The following MAP2K1 variants were observed in gnomAD, a reference collection of about 807,000 sequenced individuals.
MAP2K1 encodes the protein dual specificity mitogen-activated protein kinase kinase 1.
MAP2K1 carries 16 observed loss-of-function variants against 46.3 expected under a neutral mutation model. That is an observed-to-expected ratio of 0.35 (90% CI 0.23 to 0.52). The LOEUF (loss-of-function observed/expected upper bound fraction) is 0.52. Ranked by LOEUF, MAP2K1 falls within the 20% of genes least tolerant of loss-of-function variation. MAP2K1 has a pLI of 0.94. For synonymous variants in MAP2K1, 183 were observed against 185.6 expected (o/e 0.99, Z 0.11); for missense variants, 263 against 497.1 (o/e 0.53, Z 4.48).
intron 5 of MAP2K1, among the ~76,000 whole-genome samples, chr15:66,476,766 G>T (rs888410567): frequency 4.6e-5 from 7 of 152,218 alleles, no homozygotes; most frequent in Non-Finnish European, 8.8e-5. Context: ...GTGTAGGCGG[G>T]GGGAGGGAGA....
chr15:66,429,479 A>G (rs576639457), intron 1 of MAP2K1, among the ~76,000 whole-genome samples: 57 of 152,270 alleles, frequency 3.7e-4, no homozygotes, highest in South Asian at 8.3e-4. Context: ...CATATAGTAC[A>G]TACTCTTTTC....
At chr15:66,403,322 T>G (rs1336885657) in intron 1 of MAP2K1, among the ~76,000 whole-genome samples, 1 of 152,122 alleles carries the variant, frequency 6.6e-6, no homozygotes, top group Admixed American at 6.5e-5. Context: ...AGGTTACCCC[T>G]CTATATCCTC....
intron 1 of MAP2K1, among the ~76,000 whole-genome samples, chr15:66,430,635 G>T (rs1440997727): frequency 6.6e-6 from 1 of 152,192 alleles, no homozygotes. Context: ...GCAGTGAACT[G>T]TGTGAACTTG....
chr15:66,462,841 A>AG (rs1174599018), intron 5 of MAP2K1, among the ~76,000 whole-genome samples: 2 of 152,156 alleles, frequency 1.3e-5, no homozygotes, highest in Non-Finnish European at 2.9e-5. Flanking sequence ...ATAGGGATCC[A>AG]GGGGGCCCTT....
intron 1 of MAP2K1, among the ~76,000 whole-genome samples, chr15:66,432,948 C>G (rs908195446): frequency 1.7e-5 from 2 of 120,858 alleles, no homozygotes; most frequent in Non-Finnish European, 3.6e-5. Context: ...TTCCATTCCC[C>G]CATCATGCAC....
At chr15:66,421,021 A>ATG (rs1291253051) in intron 1 of MAP2K1, among the ~76,000 whole-genome samples, 2 of 147,246 alleles carry the variant, frequency 1.4e-5, no homozygotes, top group African/African-American at 2.5e-5. Flanking sequence ...ATATATACTT[A>ATG]TAATTTTTAT....
intron 1 of MAP2K1, among the ~76,000 whole-genome samples, chr15:66,412,523 T>G (rs2093413855): frequency 1.3e-5 from 2 of 152,168 alleles, no homozygotes; most frequent in East Asian, 3.8e-4. Flanking sequence ...TCTTTGAAGG[T>G]TTCAAATGAT....
chr15:66,448,172 A>AAAAG (rs1891929846), intron 5 of MAP2K1, among the ~76,000 whole-genome samples: 4 of 151,406 alleles, frequency 2.6e-5, no homozygotes, highest in Middle Eastern at 3.4e-3. Flanking sequence ...AAAAAAAAAA[A>AAAAG]ACCCACTATT....
chr15:66,453,375 C>T, intron 5 of MAP2K1: 1 of 657,176 alleles, frequency 1.5e-6, no homozygotes. Context: ...CTTGCACAGC[C>T]AAGAAAGGGA....
intron 1 of MAP2K1, among the ~76,000 whole-genome samples, chr15:66,423,976 C>T (rs1430712649): frequency 2.0e-5 from 3 of 152,046 alleles, no homozygotes; most frequent in Non-Finnish European, 4.4e-5. Context: ...TGGTCTGGAA[C>T]TCCTGACCTC....
At chr15:66,416,089 C>T (rs1016119738) in intron 1 of MAP2K1, among the ~76,000 whole-genome samples, 1 of 152,178 alleles carries the variant, frequency 6.6e-6, no homozygotes, top group Non-Finnish European at 1.5e-5. Flanking sequence ...CATCACTCAC[C>T]TGGATGCATC....
intron 5 of MAP2K1, among the ~76,000 whole-genome samples, chr15:66,449,484 A>G (rs937488491): frequency 6.7e-6 from 1 of 149,624 alleles, no homozygotes; most frequent in African/African-American, 2.6e-5. Flanking sequence ...ATCAAAGTGC[A>G]TAAGGGAACT....
chr15:66,455,126 G>A (rs1025936341), intron 5 of MAP2K1, among the ~76,000 whole-genome samples: 2 of 152,170 alleles, frequency 1.3e-5, no homozygotes, highest in African/African-American at 4.8e-5. Flanking sequence ...GAGGGGTCCA[G>A]AGTCAGTGCC....
intron 5 of MAP2K1, among the ~76,000 whole-genome samples, chr15:66,461,018 C>A (rs1444554527): frequency 6.6e-6 from 1 of 152,144 alleles, no homozygotes; most frequent in Non-Finnish European, 1.5e-5. Flanking sequence ...CTAATGGAAA[C>A]CTGAGGCTGG....
chr15:66,456,041 A>G (rs1892157968), intron 5 of MAP2K1, among the ~76,000 whole-genome samples: 1 of 152,174 alleles, frequency 6.6e-6, no homozygotes, highest in Non-Finnish European at 1.5e-5. Context: ...ATGGGTAGGT[A>G]CAGGTATATG....
At chr15:66,387,895 GCCTGAGTGC>G (rs930386799) in intron 1 of MAP2K1, among the ~76,000 whole-genome samples, 1 of 152,200 alleles carries the variant, frequency 6.6e-6, no homozygotes, top group African/African-American at 2.4e-5. Context: ...CACCTGTGGG[GCCTGAGTGC>G]CTTGTTGCAG....
chr15:66,435,275 C>T (rs745517862), intron 2 of MAP2K1, 38 bp downstream of exon 2: 3 of 1,546,624 alleles, frequency 1.9e-6, no homozygotes, highest in Non-Finnish European at 1.8e-6. Flanking sequence ...TGGATTATTT[C>T]TCAGGGTACT....
intron 1 of MAP2K1, among the ~76,000 whole-genome samples, chr15:66,425,021 C>T (rs564276520): frequency 6.6e-6 from 1 of 152,090 alleles, no homozygotes; most frequent in South Asian, 2.1e-4. Context: ...TTCTCAAACT[C>T]CCAACCTTAG....
intron 1 of MAP2K1, 91 bp downstream of exon 1, chr15:66,387,518 G>C: frequency 7.8e-7 from 1 of 1,286,624 alleles, no homozygotes; most frequent in Non-Finnish European, 1.1e-6. Context: ...GATCTGGTTT[G>C]TCACGTACGT....
Sources: gnomAD v4.1 joint callset for allele counts (sites outside exome capture counted in the v4.1 genomes callset) on GRCh38, gnomAD v4.1.1 for gene constraint, MANE v1.5 for transcripts, NCBI Gene and HGNC (gene_info 2026-07-23, HGNC 2026-07-21) for gene names.